Variants in NRXN3 observed in about 807,000 individuals in gnomAD.
NRXN3 encodes neurexin III.
NRXN3 carries 32 observed loss-of-function variants against 137.6 expected under a neutral mutation model. That is an observed-to-expected ratio of 0.23 (90% CI 0.18 to 0.31). NRXN3 has a LOEUF of 0.31. Among genes scored for constraint, NRXN3 ranks in the 10% least tolerant of loss-of-function variants. NRXN3 has a pLI of 1.00. For synonymous variants in NRXN3, 798 were observed against 784.5 expected, an observed-to-expected ratio of 1.02 and a Z score of -0.29; for missense variants, 1,574 against 2,062.5, an observed-to-expected ratio of 0.76 and a Z score of 4.59.
intron 15 of NRXN3, among the ~76,000 whole-genome samples, chr14:79,018,260 C>CAAAAAAA (rs1163466834): frequency 4.3e-5 from 1 of 23,158 alleles, no homozygotes; most frequent in African/African-American, 1.6e-4. Flanking sequence ...AACTCTGTCT[C>CAAAAAAA]AAAAAAAAAA....
At chr14:78,980,974 G>A (rs1231953106) in intron 14 of NRXN3, among the ~76,000 whole-genome samples, 1 of 152,110 alleles carries the variant, frequency 6.6e-6, no homozygotes, top group Admixed American at 6.5e-5. Flanking sequence ...GCCTTTGGAT[G>A]TTTTAAGATA....
chr14:79,455,377 T>A lies in NRXN3; in HGVS notation c.3263-11844T>A, dbSNP rs144514702. ...GAATTTGCAGGGGGATCATAGGCAT[T>A]GCAGTCCATTTCATGAAGATTTCTA... On this transcript the variant is annotated intron_variant, in intron 15 of 20. Coordinates refer to ENST00000335750, the MANE Select transcript of NRXN3 (RefSeq NM_001330195.2). Among the ~76,000 whole-genome samples, 979 of 152,328 alleles carry A rather than the reference T, an allele frequency of 6.4e-3. 8 individuals carry two copies. Among genetic ancestry groups the A allele is most frequent in the African/African-American group, 0.022 (905 of 41,570 alleles).
intron 8 of NRXN3, among the ~76,000 whole-genome samples, chr14:78,786,474 C>T (rs1051520749): frequency 6.6e-6 from 1 of 152,150 alleles, no homozygotes; most frequent in Non-Finnish European, 1.5e-5. Context: ...CTAGATTCTA[C>T]TGTACACAAA....
intron 19 of NRXN3, among the ~76,000 whole-genome samples, chr14:79,729,062 C>T (rs560167017): frequency 6.6e-6 from 1 of 152,236 alleles, no homozygotes; most frequent in East Asian, 1.9e-4. Flanking sequence ...TCAAGACCAC[C>T]ATGGTGACAT....
chr14:78,825,074 C>A (rs1427859763), intron 10 of NRXN3, among the ~76,000 whole-genome samples: 1 of 151,392 alleles, frequency 6.6e-6, no homozygotes, highest in Non-Finnish European at 1.5e-5. Flanking sequence ...ATATCAAATT[C>A]TAGGTTTTAT....
At chr14:79,806,646 A>G (rs1422079161) in intron 20 of NRXN3, among the ~76,000 whole-genome samples, 1 of 151,540 alleles carries the variant, frequency 6.6e-6, no homozygotes, top group Non-Finnish European at 1.5e-5. Flanking sequence ...TTATTCATTC[A>G]TTCATTCAAT....
intron 19 of NRXN3, among the ~76,000 whole-genome samples, chr14:79,723,203 A>T (rs1284935546): frequency 6.6e-6 from 1 of 152,230 alleles, no homozygotes; most frequent in South Asian, 2.1e-4. Flanking sequence ...ATAGAACTTC[A>T]TTTTTTACAA....
At chr14:79,726,045 T>C (rs972944466) in intron 19 of NRXN3, among the ~76,000 whole-genome samples, 4 of 152,102 alleles carry the variant, frequency 2.6e-5, no homozygotes, top group Non-Finnish European at 5.9e-5. Context: ...TGGGAAGAAA[T>C]TCCTACTATC....
At chr14:79,006,518 T>C (rs1285649799) in intron 15 of NRXN3, among the ~76,000 whole-genome samples, 1 of 152,144 alleles carries the variant, frequency 6.6e-6, no homozygotes, top group Middle Eastern at 3.2e-3. Flanking sequence ...ATTTAAGAAA[T>C]TTACTCCATT....
At chr14:78,222,620 A>C (rs1460887600) in intron 1 of NRXN3, among the ~76,000 whole-genome samples, 1 of 151,836 alleles carries the variant, frequency 6.6e-6, no homozygotes, top group Admixed American at 6.6e-5. Flanking sequence ...TCCTTTTGGC[A>C]CTACAAATAA....
intron 15 of NRXN3, among the ~76,000 whole-genome samples, chr14:79,146,870 T>C (rs2059348423): frequency 6.6e-6 from 1 of 152,128 alleles, no homozygotes; most frequent in South Asian, 2.1e-4. Flanking sequence ...CTCCCCCTAC[T>C]CTTAACTGAA....
In NRXN3 at chr14:79,642,426, TTC is replaced by T. The variant is rs546000871; in HGVS notation, c.3445-21348_3445-21347del. Reference sequence around the variant, plus strand: ...CTTAATTCACATTCGTTGAGATTTTTTCTCTGTTTCCAAGTCTCTTCACAGCA... The same window carrying T: ...CTTAATTCACATTCGTTGAGATTTTTTCTGTTTCCAAGTCTCTTCACAGCA... On this transcript the variant is annotated intron_variant, in intron 16 of 20. Transcript: ENST00000335750. Among the ~76,000 whole-genome samples the T allele has an allele frequency of 1.8e-3, 243 of 136,130 alleles. 17 individuals carry two copies. The highest frequency in any genetic ancestry group is 5.1e-3 in the African/African-American group (208 of 40,956). The allele number at this position is 136,130 out of a possible 152,430, so 89.3% of individuals were successfully genotyped here. A position where few individuals can be genotyped will look rare whatever the true frequency, so the allele number is the denominator to read the frequency against.
rs149433753 is a variant in NRXN3 at position 79,051,624 on chromosome 14, G to A, written c.3262+63483G>A. 6.0e-4 allele frequency among the ~76,000 whole-genome samples: 92 copies of A among 152,272 alleles called. 1 individual carries two copies. The East Asian group carries it at 0.017, about 27-fold the overall frequency. On this transcript the variant is annotated intron_variant, in intron 15 of 20. Transcript: ENST00000335750. ...AAAGTCCCTTTGGTTTGATATAAAC[G>A]GCCTTCATTTTTATGGAGCTGGCAT...
intron 4 of NRXN3, among the ~76,000 whole-genome samples, chr14:78,469,014 G>T (rs1453779883): frequency 6.6e-6 from 1 of 151,998 alleles, no homozygotes; most frequent in South Asian, 2.1e-4. Flanking sequence ...GGTCAAAGAT[G>T]GAGGGAGAAA....
chr14:78,263,684 T>G (rs893575133), intron 2 of NRXN3, among the ~76,000 whole-genome samples: 1 of 152,204 alleles, frequency 6.6e-6, no homozygotes, highest in Non-Finnish European at 1.5e-5. Context: ...TTCGTGTGCC[T>G]ATCAAATTTT....
rs75084155 is a variant in NRXN3 at position 78,498,475 on chromosome 14, C to T, written c.758-146645C>T. 1.7e-3 allele frequency among the ~76,000 whole-genome samples: 259 copies of T among 152,214 alleles called. 2 individuals carry two copies. The Middle Eastern group carries it at 0.024, about 14-fold the overall frequency. ...AACTAGGTATGCCTTTCTGTGTATT[C>T]CAGGAAGAGTTTAACCTTGGGCAGA... On this transcript the variant is annotated intron_variant, in intron 4 of 20. Transcript: ENST00000335750.
At chr14:78,680,599 A>C (rs756706021) in intron 6 of NRXN3, among the ~76,000 whole-genome samples, 1 of 152,154 alleles carries the variant, frequency 6.6e-6, no homozygotes, top group Middle Eastern at 3.2e-3. Flanking sequence ...CAGCTTGTAC[A>C]TGAATGCAGT....
intron 4 of NRXN3, among the ~76,000 whole-genome samples, chr14:78,589,094 C>T (rs1015583325): frequency 2.6e-5 from 4 of 152,140 alleles, no homozygotes; most frequent in Admixed American, 6.5e-5. Context: ...TGCTGCTTGG[C>T]GCCTGCAGGT....
intron 10 of NRXN3, among the ~76,000 whole-genome samples, chr14:78,825,650 C>A (rs1596266579): frequency 6.6e-6 from 1 of 152,330 alleles, no homozygotes; most frequent in African/African-American, 2.4e-5. Context: ...TCAGTTTTAC[C>A]AGGCCTCCTG....
Sources: gnomAD v4.1 joint callset for allele counts (sites outside exome capture counted in the v4.1 genomes callset) on GRCh38, gnomAD v4.1.1 for gene constraint, MANE v1.5 for transcripts, NCBI Gene and HGNC (gene_info 2026-07-23, HGNC 2026-07-21) for gene names.